The following EXOC1 variants were observed in gnomAD, a reference collection of about 807,000 sequenced individuals.
EXOC1 encodes the protein SEC3-like 1.
In EXOC1, 67 loss-of-function variants were observed where a neutral mutation model predicts 107.7. The ratio of observed to expected loss-of-function variants is 0.62; its 90% CI spans 0.51 to 0.76. The LOEUF (loss-of-function observed/expected upper bound fraction) is 0.76. EXOC1 is among the 30% of genes least tolerant of loss of function. EXOC1 has a pLI of 0.00. For synonymous variants in EXOC1, 348 were observed against 353.5 expected (o/e 0.98, Z 0.17); for missense variants, 833 against 1,055.7 (o/e 0.79, Z 2.92).
chr4:55,872,661 A>G (rs1722553212), intron 8 of EXOC1: 1 of 386,306 alleles, frequency 2.6e-6, no homozygotes. Context: ...CTCGTTCATC[A>G]AGAAATACTG....
At chr4:55,883,678 AG>A (rs1723613138) in intron 9 of EXOC1, 144 bp from the exon 10 acceptor site, 2 of 495,176 alleles carry the variant, frequency 4.0e-6, no homozygotes, top group Admixed American at 8.5e-5. Context: ...TAAGACAGAA[AG>A]TAACCTATTT....
At chr4:55,865,447 G>A (rs780815886) in intron 4 of EXOC1, among the ~76,000 whole-genome samples, 7 of 152,132 alleles carry the variant, frequency 4.6e-5, no homozygotes, top group Non-Finnish European at 8.8e-5. Flanking sequence ...GGAATCCCCA[G>A]GGTTGCCATC....
intron 2 of EXOC1, 68 bp from the exon 3 acceptor site, chr4:55,860,343 C>A (rs1721356806): frequency 6.3e-7 from 1 of 1,587,444 alleles, no homozygotes; most frequent in Non-Finnish European, 8.6e-7. Flanking sequence ...GCTATACTTG[C>A]AATGAGTGAA....
chr4:55,867,447 A>G lies in EXOC1; in HGVS notation c.416-889A>G, dbSNP rs1398075640. On this transcript the variant is annotated intron_variant, in intron 4 of 18. Transcript: ENST00000381295. ...AATCATGCCCCATTAAGTCTGTGAA[A>G]TTGCTAACTTTATTTAGAGTGATAA... Among the ~76,000 whole-genome samples, 3 of 152,096 alleles carry G rather than the reference A, an allele frequency of 2.0e-5. No individual in the cohort carries two copies. In the East Asian group the frequency reaches 5.8e-4, roughly 29 times the overall value.
rs920988984 is a variant in EXOC1, at chr4:55,891,548, A to C, written c.1647+126A>C. On this transcript the variant is annotated intron_variant, in intron 13 of 18. Coordinates refer to ENST00000381295, the MANE Select transcript of EXOC1 (RefSeq NM_001024924.2). ...GAATTTATCATGTAAGGATTTTTTT[A>C]TGATGTAAGGATTTAGGATGTAAGG... is the stretch of plus-strand genomic sequence containing the variant. The C allele has an allele frequency of 6.1e-6, 4 of 659,508 alleles. No individual in the cohort carries two copies. In the African/African-American group the frequency reaches 7.3e-5, roughly 12 times the overall value. 40.9% of individuals were successfully genotyped at this position (659,508 alleles called of 1,614,324 possible).
rs112057149 is a variant in EXOC1 at position 55,889,740 on chromosome 4, T to C, written c.1376-483T>C. Among the ~76,000 whole-genome samples, 5 of 152,322 alleles carry C rather than the reference T, an allele frequency of 3.3e-5. 1 individual carries two copies. The highest frequency in any genetic ancestry group is 1.2e-4 in the African/African-American group (5 of 41,580). Reference sequence around the variant, plus strand: ...GCAAAATGATCAAGTATGGGCAGTTTCATGTGGTTCAACCTAATATATTGA... The same window carrying C: ...GCAAAATGATCAAGTATGGGCAGTTCCATGTGGTTCAACCTAATATATTGA... On this transcript the variant is annotated intron_variant, in intron 11 of 18. Transcript: ENST00000381295.
Position 55,888,933 on chromosome 4 carries a change from G to A in EXOC1, c.1375+1G>A, listed in dbSNP as rs761582711. ...AGTGCTGTCAAACAGGAAACAGAGA[G>A]TGAGTATGCTTAGTGTATTAGTAGG... On this transcript the variant is annotated splice_donor_variant, in intron 11 of 18. Transcript: ENST00000381295. LOFTEE classifies it high-confidence loss of function. 4 of 1,613,482 alleles carry A rather than the reference G, an allele frequency of 2.5e-6. No homozygotes were observed. The highest frequency in any genetic ancestry group is 3.4e-6 in the Non-Finnish European group (4 of 1,179,524).
intron 15 of EXOC1, among the ~76,000 whole-genome samples, chr4:55,896,352 C>A (rs1725202664): frequency 6.6e-6 from 1 of 152,064 alleles, no homozygotes; most frequent in Non-Finnish European, 1.5e-5. Flanking sequence ...CGAAAATGGC[C>A]AGGCTGGTCT....
chr4:55,902,646 AT>A, intron 18 of EXOC1, 108 bp downstream of exon 18: 1 of 819,262 alleles, frequency 1.2e-6, no homozygotes, highest in Non-Finnish European at 1.7e-6. Context: ...GGAGAGTTCC[AT>A]TAGAGTACAG....
At position 55,896,767 on chromosome 4, in the gene EXOC1, A is replaced by C; in HGVS notation, c.2004A>C (p.Lys668Asn). 1 of 1,610,838 alleles carries C rather than the reference A, an allele frequency of 6.2e-7. No individual in the cohort carries two copies. The highest frequency in any genetic ancestry group is 1.1e-5 in the South Asian group (1 of 90,060). ...MEEVKISKKS[K>N]VGILPFVAEF... is the part of the protein sequence containing the mutation. ...AAGTAAAGATCTCAAAAAAGAGTAA[A>C]GTTGGAATTCTTCCATTTGTTGCTG... The change falls in exon 16 of 19, where the codon AAA becomes AAC. Residue 668 changes from lysine (K) to asparagine (N), a missense_variant. Lys to Asn is a moderately conservative substitution (Grantham distance 94). This residue lies in a region of EXOC1 where 216 missense variants were observed against 354.4 expected (regional missense o/e 0.61). Coordinates refer to ENST00000381295, the MANE Select transcript of EXOC1 (RefSeq NM_001024924.2).
intron 1 of EXOC1, 27 bp from the exon 2 acceptor site, chr4:55,858,287 T>A (rs757997888): frequency 9.0e-6 from 14 of 1,561,514 alleles, no homozygotes; most frequent in Non-Finnish European, 1.1e-5. Flanking sequence ...GAGGGTGAGC[T>A]TAATATCTAT....
chr4:55,863,412 AG>A (rs768532492), intron 3 of EXOC1, among the ~76,000 whole-genome samples: 13 of 152,104 alleles, frequency 8.5e-5, no homozygotes, highest in Admixed American at 2.0e-4. Flanking sequence ...CCGAAGCAGG[AG>A]GATCAACTGG....
rs911404581 is a variant in EXOC1 at position 55,875,474 on chromosome 4, C to T, written c.1075-2443C>T. On this transcript the variant is annotated intron_variant, in intron 8 of 18. Transcript: ENST00000381295. ...ATGTATCATTTCTTTAAAAAAGTCA[C>T]TATAGCAAAGTGCTTAAGAGTGCAG... The T allele has an allele frequency of 1.1e-5, 11 of 981,320 alleles. No homozygotes were observed. The Admixed American group carries it at 5.5e-4, about 49-fold the overall frequency. 60.8% of individuals were successfully genotyped at this position (981,320 alleles called of 1,614,324 possible).
chr4:55,897,670 C>A (rs931940911), intron 16 of EXOC1, among the ~76,000 whole-genome samples: 1 of 152,092 alleles, frequency 6.6e-6, no homozygotes, highest in Non-Finnish European at 1.5e-5. Flanking sequence ...GGTTGGAGTG[C>A]GGTGGCATAA....
rs534867021 is a variant in EXOC1 at position 55,864,396 on chromosome 4, A to G, written c.415+10A>G. On this transcript the variant is annotated intron_variant, in intron 4 of 18. Transcript: ENST00000381295. ...TCACAGCTTTTGGAAGGTAAAGTTAAATAAAAATGTATATGTAAAATCAAT... is the reference window on the plus strand; with the variant it reads ...TCACAGCTTTTGGAAGGTAAAGTTAGATAAAAATGTATATGTAAAATCAAT... 1 of 1,592,690 alleles carries G rather than the reference A, an allele frequency of 6.3e-7. No homozygotes were observed. The highest frequency in any genetic ancestry group is 1.2e-5 in the South Asian group (1 of 86,232).
At chr4:55,869,939 T>C (rs931538484) in intron 5 of EXOC1, among the ~76,000 whole-genome samples, 26 of 152,192 alleles carry the variant, frequency 1.7e-4, no homozygotes, top group African/African-American at 5.8e-4. Context: ...GCATATTGCT[T>C]TGCAGTTTAA....
At chr4:55,863,305 A>G (rs905245480) in intron 3 of EXOC1, among the ~76,000 whole-genome samples, 1 of 151,994 alleles carries the variant, frequency 6.6e-6, no homozygotes, top group African/African-American at 2.4e-5. Context: ...AAGAAACTAT[A>G]GTGTAATTCT....
rs1433453547 is a variant in EXOC1 at position 55,892,644 on chromosome 4, G to C, written c.1657G>C (p.Glu553Gln). The change falls in exon 14 of 19, where the codon GAG becomes CAG. Residue 553 changes from glutamate to glutamine, a missense_variant. This residue lies in a region of EXOC1 where 617 missense variants were observed against 701.3 expected (regional missense o/e 0.88). Coordinates refer to ENST00000381295, the MANE Select transcript of EXOC1 (RefSeq NM_001024924.2). The stretch of plus-strand genomic sequence containing the variant: ...TGAATAATTTTTGCAGGCTGAAGCA[G>C]AGGACCTGGATGGAGGAACATTATC... ...QSMPGTMAEAEDLDGGTLSRQ... is the reference protein window; with the variant it reads ...QSMPGTMAEAQDLDGGTLSRQ... 9.3e-6 allele frequency: 15 copies of C among 1,614,100 alleles called. No homozygotes were observed. Among genetic ancestry groups the C allele is most frequent in the Non-Finnish European group, 1.3e-5 (15 of 1,179,978 alleles).
intron 9 of EXOC1, among the ~76,000 whole-genome samples, chr4:55,880,131 G>A (rs1309083982): frequency 1.3e-5 from 2 of 151,956 alleles, no homozygotes; most frequent in Admixed American, 6.6e-5. Context: ...TTGTGTTTAC[G>A]TATTTGACAG....
Sources: allele counts gnomAD v4.1 joint callset (sites outside exome capture counted in the v4.1 genomes callset), GRCh38; gene constraint gnomAD v4.1.1; regional missense constraint gnomAD v4.1.1; transcripts MANE v1.5; gene names NCBI Gene and HGNC (gene_info 2026-07-23, HGNC 2026-07-21).